Variants in SS18L1 observed in about 807,000 individuals in gnomAD.
SS18L1 encodes the protein calcium-responsive transactivator.
Under a neutral mutation model 70.3 loss-of-function variants are expected in SS18L1, and 32 were observed. The ratio of observed to expected loss-of-function variants is 0.46; its 90% CI spans 0.34 to 0.61. The LOEUF is 0.61. Ranked by LOEUF, SS18L1 falls within the 20% of genes least tolerant of loss-of-function variation. The probability of loss-of-function intolerance (pLI) is 0.01; values close to 1 mark genes in which losing one functional copy is unlikely to be tolerated. For synonymous variants in SS18L1, 237 were observed against 229.7 expected, an observed-to-expected ratio of 1.03 and a Z score of -0.29; for missense variants, 430 against 542.1, an observed-to-expected ratio of 0.79 and a Z score of 2.05.
chr20:62,154,895 C>T (rs57471685), intron 1 of SS18L1, among the ~76,000 whole-genome samples: 12,602 of 152,174 alleles, frequency 0.083, 630 homozygotes, highest in African/African-American at 0.12. Context: ...TCACCTCGGT[C>T]GATCCGTCCT....
chr20:62,163,073 C>G (rs544384403), intron 5 of SS18L1, 142 bp downstream of exon 5: 3 of 1,161,286 alleles, frequency 2.6e-6, no homozygotes, highest in Non-Finnish European at 3.6e-6. Flanking sequence ...CGGGGCTGGC[C>G]GCTGCCTCTG....
chr20:62,178,476 T>C (rs2057659576), intron 10 of SS18L1, among the ~76,000 whole-genome samples: 2 of 152,174 alleles, frequency 1.3e-5, no homozygotes, highest in East Asian at 1.9e-4. Flanking sequence ...TCTCTTTTTT[T>C]GTAGAGATGG....
intron 1 of SS18L1, among the ~76,000 whole-genome samples, chr20:62,150,897 G>A (rs986831483): frequency 6.6e-6 from 1 of 152,066 alleles, no homozygotes; most frequent in East Asian, 1.9e-4. Flanking sequence ...CATGCCAGAC[G>A]CTTCCAGAAT....
chr20:62,153,902 A>G (rs570102672), intron 1 of SS18L1, among the ~76,000 whole-genome samples: 2 of 151,916 alleles, frequency 1.3e-5, no homozygotes, highest in African/African-American at 2.4e-5. Flanking sequence ...GTCCCTTTAA[A>G]CAGAATTCCC....
intron 1 of SS18L1, among the ~76,000 whole-genome samples, chr20:62,157,340 G>A (rs181092503): frequency 6.6e-4 from 100 of 152,348 alleles, no homozygotes; most frequent in African/African-American, 2.2e-3. Flanking sequence ...GGGCCACAGA[G>A]CACGTTCAGG....
At chr20:62,148,294 G>A (rs1257000313) in intron 1 of SS18L1, among the ~76,000 whole-genome samples, 3 of 150,870 alleles carry the variant, frequency 2.0e-5, no homozygotes, top group African/African-American at 7.3e-5. Flanking sequence ...AGGTGAGGGA[G>A]GCTTGGCCTC....
intron 10 of SS18L1, among the ~76,000 whole-genome samples, chr20:62,176,727 G>T (rs1289516238): frequency 1.3e-5 from 2 of 152,068 alleles, no homozygotes; most frequent in Admixed American, 1.3e-4. Context: ...CGCTTGAACC[G>T]GGAAGGCAGA....
rs1015302627 is a variant in SS18L1 at position 62,179,658 on chromosome 20, C to T, written c.*450C>T. The T allele has an allele frequency of 3.9e-5, 9 of 231,784 alleles. No homozygotes were observed. Among genetic ancestry groups the T allele is most frequent in the Admixed American group, 3.4e-4 (6 of 17,794 alleles). The allele number at this position is 231,784 out of a possible 1,614,324, so 14.4% of individuals were successfully genotyped here. A position where few individuals can be genotyped will look rare whatever the true frequency, so the allele number is the denominator to read the frequency against. On this transcript the variant is annotated 3_prime_UTR_variant, in exon 11 of 11. Transcript: ENST00000331758. ...TTGTCAACTTTTCTTTAACTGGCTA[C>T]GCCACAGCTGGACACACATGCAGCC...
chr20:62,153,781 C>A (rs1191547362), intron 1 of SS18L1, among the ~76,000 whole-genome samples: 1 of 152,190 alleles, frequency 6.6e-6, no homozygotes, highest in Non-Finnish European at 1.5e-5. Flanking sequence ...GGCCGAATTC[C>A]TTTGGCTTCT....
At chr20:62,146,532 G>T (rs191895342) in intron 1 of SS18L1, among the ~76,000 whole-genome samples, 22 of 151,942 alleles carry the variant, frequency 1.4e-4, no homozygotes, top group African/African-American at 5.3e-4. Flanking sequence ...TCTTCTCCTG[G>T]CTTCTGATGA....
intron 8 of SS18L1, among the ~76,000 whole-genome samples, chr20:62,166,225 A>G (rs6061444): frequency 0.27 from 40,384 of 152,190 alleles, 9,972 homozygotes; most frequent in African/African-American, 0.66. Flanking sequence ...GGGATTGCGC[A>G]ACCTCGTCCG....
In SS18L1 at chr20:62,165,495, G is replaced by T. The variant is rs577973215; in HGVS notation, c.897G>T (p.Thr299=). ...QSYDRSFEES[T]QHYYEGGNSQ... ...ACGACCGGTCCTTCGAGGAGTCCAC[G>T]CAGCACTACTATGAGGGGGGTAAGG... The change falls in exon 8 of 11, where the codon ACG becomes ACT. Residue 299 remains threonine (T), a synonymous_variant. Transcript: ENST00000331758. 6.2e-7 allele frequency: 1 copy of T among 1,612,444 alleles called. No homozygotes were observed. The highest frequency in any genetic ancestry group is 1.1e-5 in the South Asian group (1 of 90,864).
In SS18L1 at chr20:62,159,946, G is replaced by A; in HGVS notation, c.216G>A (p.Gln72=). ...ATIADSNQNM[Q]SLLPAPPTQN... is the part of the protein sequence containing the mutation. ...TCGCAGACTCCAACCAGAACATGCAGTCCCTGCTTCCTGCCGTGAGTACCC... is the reference window on the plus strand; with the variant it reads ...TCGCAGACTCCAACCAGAACATGCAATCCCTGCTTCCTGCCGTGAGTACCC... The change falls in exon 3 of 11, where the codon CAG becomes CAA. Residue 72 remains glutamine, a synonymous_variant. Coordinates refer to ENST00000331758, the MANE Select transcript of SS18L1 (RefSeq NM_198935.3). This position sits in a 1 kb window ranked among gnomAD's most constrained non-coding sequence, Gnocchi z 4.4. The A allele has an allele frequency of 6.2e-7, 1 of 1,611,940 alleles. No homozygotes were observed. Among genetic ancestry groups the A allele is most frequent in the Non-Finnish European group, 8.5e-7 (1 of 1,179,764 alleles).
At chr20:62,164,273 G>T (rs111773086) in intron 7 of SS18L1, 27 bp downstream of exon 7, 5 of 1,537,932 alleles carry the variant, frequency 3.3e-6, no homozygotes, top group Middle Eastern at 2.2e-4. Context: ...GCCTGACCCC[G>T]CCCAGGAACG....
chr20:62,166,986 TC>T (rs1374866739), intron 8 of SS18L1, among the ~76,000 whole-genome samples: 1 of 149,826 alleles, frequency 6.7e-6, no homozygotes, highest in African/African-American at 2.5e-5. Context: ...ACGCCTGTAA[TC>T]CCAGCACTTT....
chr20:62,156,086 C>T (rs983777390), intron 1 of SS18L1, among the ~76,000 whole-genome samples: 6 of 152,106 alleles, frequency 3.9e-5, no homozygotes, highest in Non-Finnish European at 2.9e-5. Flanking sequence ...ATAAACCTCG[C>T]GGCACTGCCC....
Position 62,161,356 on chromosome 20 carries a change from C to T in SS18L1, c.232-80C>T, listed in dbSNP as rs1601018952. 2 of 1,606,592 alleles carry T rather than the reference C, an allele frequency of 1.2e-6. No homozygotes were observed. The highest frequency in any genetic ancestry group is 1.7e-6 in the Non-Finnish European group (2 of 1,175,356). ...TGTGTGGCGGCAAATCTCGGGTGCCCTCTCATCCCTGGCCTGGCTTGTGGA... is the reference window on the plus strand; with the variant it reads ...TGTGTGGCGGCAAATCTCGGGTGCCTTCTCATCCCTGGCCTGGCTTGTGGA... On this transcript the variant is annotated intron_variant, in intron 3 of 10. Transcript: ENST00000331758. The surrounding 1 kb of genome is among the most constrained non-coding windows in gnomAD (Gnocchi z 4.4).
rs77268825 is a variant in SS18L1 at position 62,157,497 on chromosome 20, C to T, written c.70-1175C>T. ...GGCAGTGCCCATCTTGAGCGCAGAC[C>T]GTGCTTGGCGGAGTGTATGCCTGGC... On this transcript the variant is annotated intron_variant, in intron 1 of 10. Coordinates refer to ENST00000331758, the MANE Select transcript of SS18L1 (RefSeq NM_198935.3). Among the ~76,000 whole-genome samples the T allele has an allele frequency of 4.7e-3, 711 of 152,314 alleles. 19 individuals are homozygous for T. The highest frequency in any genetic ancestry group is 0.041 in the Admixed American group (624 of 15,294).
chr20:62,173,175 C>G (rs906073941), intron 9 of SS18L1, among the ~76,000 whole-genome samples: 1 of 152,234 alleles, frequency 6.6e-6, no homozygotes, highest in Non-Finnish European at 1.5e-5. Context: ...CTGCACGCCT[C>G]AGGCCCAGCT....
Sources: allele counts gnomAD v4.1 joint callset (sites outside exome capture counted in the v4.1 genomes callset), GRCh38; gene constraint gnomAD v4.1.1; non-coding constraint Gnocchi (gnomAD v3.1); transcripts MANE v1.5; gene names NCBI Gene and HGNC (gene_info 2026-07-23, HGNC 2026-07-21).